ANO7: variants seen among roughly 807,000 people sequenced by gnomAD.
ANO7 encodes anoctamin 7, also known as anoctamin-7.
ANO7 carries 114 observed loss-of-function variants against 115.8 expected under a neutral mutation model. The ratio of observed to expected loss-of-function variants is 0.98; its 90% CI spans 0.85 to 1.15. ANO7 has a LOEUF of 1.15. Among genes scored for constraint, ANO7 ranks in the 50% most tolerant of loss-of-function variants. The pLI is 0.00. For missense variants in ANO7, 1,302 were observed against 1,201.2 expected, an observed-to-expected ratio of 1.08 and a Z score of -1.24; for synonymous variants, 550 against 498.2, an observed-to-expected ratio of 1.10 and a Z score of -1.38.
intron 15 of ANO7, 62 bp downstream of exon 15, chr2:241,210,632 A>G: frequency 7.1e-7 from 1 of 1,400,624 alleles, no homozygotes; most frequent in South Asian, 1.2e-5. Flanking sequence ...CGCCAGCCAG[A>G]ACGTGACTTT....
chr2:241,188,866 C>G lies in ANO7; in HGVS notation c.-8+100C>G. 6.8e-7 allele frequency: 1 copy of G among 1,465,606 alleles called. No homozygotes were observed. The highest frequency in any genetic ancestry group is 2.4e-5 in the East Asian group (1 of 41,960). The allele number at this position is 1,465,606 out of a possible 1,614,324, so 90.8% of individuals were successfully genotyped here. On this transcript the variant is annotated intron_variant, in intron 1 of 24. Transcript: ENST00000674324. This position sits in a 1 kb window ranked among gnomAD's most constrained non-coding sequence, Gnocchi z 4.3. ...CCCAGCCCACCGGGACTTTCACACACCCTGGCCTGTGGGGAGGCAGTGCCA... is the reference window on the plus strand; with the variant it reads ...CCCAGCCCACCGGGACTTTCACACAGCCTGGCCTGTGGGGAGGCAGTGCCA...
chr2:241,207,070 G>A (rs1294643060), intron 10 of ANO7, among the ~76,000 whole-genome samples: 1 of 142,052 alleles, frequency 7.0e-6, no homozygotes, highest in Non-Finnish European at 1.5e-5. Flanking sequence ...GTGGACAGGA[G>A]TGCTCCCAGG....
chr2:241,227,471 C>T (rs1574811644), downstream of ANO7: 1 of 152,574 alleles, frequency 6.6e-6, no homozygotes, highest in East Asian at 1.9e-4. Context: ...ACGCACGCCT[C>T]ACCCCTGCCT....
chr2:241,217,543 G>A, intron 19 of ANO7, 143 bp from the exon 20 acceptor site: 3 of 968,202 alleles, frequency 3.1e-6, no homozygotes, highest in East Asian at 2.7e-5. Flanking sequence ...GGTCCAGGAC[G>A]AGGGAGACCA....
intron 23 of ANO7, 51 bp from the exon 24 acceptor site, chr2:241,223,854 C>T (rs746779863): frequency 1.3e-5 from 21 of 1,614,096 alleles, no homozygotes; most frequent in East Asian, 4.5e-5. Flanking sequence ...GCTCTACCTC[C>T]GGACACTGAG....
At chr2:241,229,191 G>A, downstream of ANO7, 1 of 201,664 alleles carries the variant, frequency 5.0e-6, no homozygotes, top group Non-Finnish European at 1.0e-5. Flanking sequence ...GGAGGGAGGT[G>A]GGAAAGGAAG....
At chr2:241,201,602 A>G (rs1484975563) in intron 7 of ANO7, among the ~76,000 whole-genome samples, 2 of 152,162 alleles carry the variant, frequency 1.3e-5, no homozygotes, top group Admixed American at 6.5e-5. Context: ...CAAAATAGAT[A>G]TTGGATCTAT....
At chr2:241,226,040 A>C (rs1295329027), downstream of ANO7, among the ~76,000 whole-genome samples, 1 of 146,590 alleles carries the variant, frequency 6.8e-6, no homozygotes, top group African/African-American at 2.8e-5. Context: ...CCAGGTGAAC[A>C]AACTGTTGTA....
intron 16 of ANO7, 152 bp from the exon 17 acceptor site, chr2:241,212,420 C>A: frequency 1.0e-6 from 1 of 982,580 alleles, no homozygotes; most frequent in Non-Finnish European, 1.6e-6. Flanking sequence ...CGGGGGTCCA[C>A]AGGAGGCCCA....
chr2:241,204,875 A>C lies in ANO7; in HGVS notation c.900A>C (p.Thr300=). ...CCATCCTCTCTACAGGGTTTTACAC[A>C]GGCTGGCTCCTGCCAGCGGCAGTGG... ...ALYFAWLGFY[T]GWLLPAAVVG... is the part of the protein sequence containing the mutation. The change falls in exon 10 of 25, where the codon ACA becomes ACC. Residue 300 remains threonine (T), a synonymous_variant. Transcript: ENST00000674324. 6.2e-7 allele frequency: 1 copy of C among 1,613,708 alleles called. No individual in the cohort carries two copies. Among genetic ancestry groups the C allele is most frequent in the Non-Finnish European group, 8.5e-7 (1 of 1,179,822 alleles).
the ANO7 span, among the ~76,000 whole-genome samples, chr2:241,239,364 CCTT>C: frequency 1.3e-5 from 2 of 152,082 alleles, no homozygotes; most frequent in African/African-American, 4.8e-5. The surrounding 1 kb of genome is among the most constrained non-coding windows in gnomAD (Gnocchi z 4.6). Context: ...CTCCTCTTCT[CCTT>C]CTCTCTCTCT....
chr2:241,199,151 G>A (rs1041586053), intron 4 of ANO7, 165 bp from the exon 5 acceptor site: 17 of 646,854 alleles, frequency 2.6e-5, no homozygotes, highest in Middle Eastern at 2.5e-4. Context: ...TTTCAGAGGC[G>A]TATCCATGGG....
At chr2:241,230,828 G>A (rs754576111), downstream of ANO7, 50 of 1,614,132 alleles carry the variant, frequency 3.1e-5, no homozygotes, top group Non-Finnish European at 4.2e-5. The surrounding 1 kb of genome is among the most constrained non-coding windows in gnomAD (Gnocchi z 5.0). Flanking sequence ...GAACGCGGTG[G>A]TCCAGCGGGA....
chr2:241,201,683 C>T (rs2068476148), intron 7 of ANO7, among the ~76,000 whole-genome samples: 1 of 152,232 alleles, frequency 6.6e-6, no homozygotes, highest in Non-Finnish European at 1.5e-5. Flanking sequence ...ACCTGCCCTG[C>T]AGCGTCGGAG....
At position 241,216,374 on chromosome 2, in the gene ANO7, A is replaced by G. The variant is rs115730688; in HGVS notation, c.1972+136A>G. ...AAATGTGCTGTGGGGGTGGGGTGGG[A>G]ACAGAGGGTCGGGCCTGTGGAGAAT... On this transcript the variant is annotated intron_variant, in intron 19 of 24. Coordinates refer to ENST00000674324, the MANE Select transcript of ANO7 (RefSeq NM_001370694.2). The G allele has an allele frequency of 1.4e-3, 1,645 of 1,203,924 alleles. 18 individuals carry two copies. The African/African-American group carries it at 0.022, about 16-fold the overall frequency. 74.6% of individuals were successfully genotyped at this position (1,203,924 alleles called of 1,614,324 possible).
intron 17 of ANO7, among the ~76,000 whole-genome samples, chr2:241,214,598 C>T (rs1034939632): frequency 6.6e-6 from 1 of 152,192 alleles, no homozygotes; most frequent in Non-Finnish European, 1.5e-5. Context: ...TGCAGCTTTC[C>T]AATGCAGTCT....
chr2:241,230,710 G>A (rs777036220), downstream of ANO7: 32 of 1,536,916 alleles, frequency 2.1e-5, 1 homozygote, highest in South Asian at 3.1e-4. This position sits in a 1 kb window ranked among gnomAD's most constrained non-coding sequence, Gnocchi z 5.0. Flanking sequence ...CCAGCCAGGT[G>A]CCCCCGGTGA....
Position 241,224,129 on chromosome 2 carries a change from C to T in ANO7, c.2616C>T (p.Pro872=), listed in dbSNP as rs753564277. Reference sequence around the variant, plus strand: ...CCCACTGGACACCCTTCACGGTTCCCAAGGCCAGCCAGCTGCAGCAGTGAC... The same window carrying T: ...CCCACTGGACACCCTTCACGGTTCCTAAGGCCAGCCAGCTGCAGCAGTGAC... The part of the protein sequence containing the change: ...LSSHWTPFTV[P]KASQLQQ The change falls in exon 25 of 25, where the codon CCC becomes CCT. Residue 872 remains proline, a synonymous_variant. Coordinates refer to ENST00000674324, the MANE Select transcript of ANO7 (RefSeq NM_001370694.2). 1 of 1,614,042 alleles carries T rather than the reference C, an allele frequency of 6.2e-7. No individual in the cohort carries two copies. Among genetic ancestry groups the T allele is most frequent in the South Asian group, 1.1e-5 (1 of 91,082 alleles).
intron 18 of ANO7, 80 bp downstream of exon 18, chr2:241,214,982 G>T: frequency 7.7e-7 from 1 of 1,302,798 alleles, no homozygotes; most frequent in Non-Finnish European, 1.1e-6. Flanking sequence ...CCTCCAGCCC[G>T]GCCCTAGCTG....
Sources: allele counts gnomAD v4.1 joint callset (sites outside exome capture counted in the v4.1 genomes callset), GRCh38; gene constraint gnomAD v4.1.1; non-coding constraint Gnocchi (gnomAD v3.1); transcripts MANE v1.5; gene names NCBI Gene and HGNC (gene_info 2026-07-23, HGNC 2026-07-21).